The following CSMD1 variants were observed in gnomAD, a reference collection of about 807,000 sequenced individuals.
CSMD1 encodes CUB and Sushi multiple domains 1.
A neutral mutation model predicts 417.5 loss-of-function variants in CSMD1; 213 were observed. The observed-to-expected ratio is 0.51, with a 90% CI of 0.46 to 0.57. The LOEUF is 0.57. CSMD1 is among the 20% of genes least tolerant of loss of function. The probability of loss-of-function intolerance (pLI) is 0.00; values close to 1 mark genes in which losing one functional copy is unlikely to be tolerated. For synonymous variants in CSMD1, 2,862 were observed against 1,736.8 expected (o/e 1.65, Z -16.11); for missense variants, 6,923 against 4,529.7 (o/e 1.53, Z -15.17).
chr8:4,460,895 G>A (rs571860023), intron 2 of CSMD1, among the ~76,000 whole-genome samples: 2 of 152,248 alleles, frequency 1.3e-5, no homozygotes, highest in East Asian at 1.9e-4. Flanking sequence ...AAAAATAGAA[G>A]AGGGATCACA....
chr8:3,018,208 A>G (rs1423289329), intron 52 of CSMD1, among the ~76,000 whole-genome samples: 1 of 152,248 alleles, frequency 6.6e-6, no homozygotes, highest in African/African-American at 2.4e-5. Context: ...TCCTAAAACC[A>G]TGATGGCATT....
intron 1 of CSMD1, among the ~76,000 whole-genome samples, chr8:4,842,446 T>A (rs1051279545): frequency 8.5e-5 from 13 of 152,226 alleles, no homozygotes; most frequent in Admixed American, 3.9e-4. Context: ...TGCTCTAAAC[T>A]GCATTTTGGT....
At chr8:4,367,559 T>C (rs540281633) in intron 3 of CSMD1, among the ~76,000 whole-genome samples, 17 of 152,280 alleles carry the variant, frequency 1.1e-4, no homozygotes, top group Admixed American at 6.5e-4. Context: ...TTGGGCTCCA[T>C]ATAAATTTTA....
In CSMD1 at chr8:2,963,302, T is replaced by C. The variant is rs1803666803; in HGVS notation, c.9374A>G (p.Asp3125Gly). 6.2e-7 allele frequency: 1 copy of C among 1,613,734 alleles called. No homozygotes were observed. The part of the protein sequence containing the change: ...WGSSISYSCM[D>G]GYQLSHSAIL... ...GGCGGAGTGAGAGAGCTGGTAACCG[T>C]CCATGCAGCTGTAACTTATGCTGGA... The change falls in exon 60 of 70, where the codon GAC becomes GGC. Residue 3125 changes from aspartate to glycine, a missense_variant. Coordinates refer to ENST00000635120, the MANE Select transcript of CSMD1 (RefSeq NM_033225.6).
chr8:3,984,437 C>G (rs560731348), intron 5 of CSMD1, among the ~76,000 whole-genome samples: 1 of 151,928 alleles, frequency 6.6e-6, no homozygotes, highest in Non-Finnish European at 1.5e-5. Flanking sequence ...CAAACCTAAA[C>G]AGAGAGGCAC....
chr8:3,775,246 T>C (rs548613443), intron 5 of CSMD1, among the ~76,000 whole-genome samples: 1 of 152,320 alleles, frequency 6.6e-6, no homozygotes, highest in East Asian at 1.9e-4. Context: ...AGAAATGAAT[T>C]GTATGTTAAA....
intron 6 of CSMD1, among the ~76,000 whole-genome samples, chr8:3,710,812 G>A (rs576634762): frequency 6.6e-6 from 1 of 152,122 alleles, no homozygotes; most frequent in African/African-American, 2.4e-5. Flanking sequence ...CAGATGCACA[G>A]GGAAGACTAT....
intron 30 of CSMD1, among the ~76,000 whole-genome samples, chr8:3,213,261 T>C (rs993579608): frequency 3.9e-5 from 6 of 152,364 alleles, no homozygotes; most frequent in South Asian, 2.1e-4. Flanking sequence ...AAAATAACCC[T>C]AGAAATGAAT....
intron 22 of CSMD1, among the ~76,000 whole-genome samples, chr8:3,346,043 G>C (rs989509195): frequency 2.0e-5 from 3 of 152,082 alleles, no homozygotes; most frequent in African/African-American, 7.2e-5. Context: ...ATGTGCGAAG[G>C]ATCAATGTGA....
At chr8:3,848,584 G>T (rs114142930) in intron 5 of CSMD1, among the ~76,000 whole-genome samples, 1 of 152,086 alleles carries the variant, frequency 6.6e-6, no homozygotes, top group Non-Finnish European at 1.5e-5. Flanking sequence ...TTGTAAATAT[G>T]TACTTTGAAC....
chr8:4,647,946 T>A (rs1563367142), intron 1 of CSMD1, among the ~76,000 whole-genome samples: 1 of 152,222 alleles, frequency 6.6e-6, no homozygotes, highest in Non-Finnish European at 1.5e-5. Flanking sequence ...ATGGGATTGC[T>A]GGTCAAATGG....
At chr8:3,491,958 G>A (rs28509349) in intron 11 of CSMD1, among the ~76,000 whole-genome samples, 80,598 of 152,028 alleles carry the variant, frequency 0.53, 21,801 homozygotes, top group Non-Finnish European at 0.58. Flanking sequence ...ACAGCCCAGA[G>A]GTCCCGGCCT....
In CSMD1 at chr8:3,409,525, T is replaced by C. The variant is rs768680532; in HGVS notation, c.1642A>G (p.Thr548Ala). ...GCCGCCGGGCATTCAAAGGTGAGTG[T>C]ATCTCCATGGAGGAAACTGCTGCCC... ...RTGSSFLHGDTLTFECPAAFE... is the reference protein window; with the variant it reads ...RTGSSFLHGDALTFECPAAFE... Residue 548 changes from threonine to alanine, a missense_variant, in exon 13 of 70, where the codon ACA (threonine) becomes GCA (alanine). Physicochemically the swap from Thr to Ala is moderately conservative, Grantham distance 58. Coordinates refer to ENST00000635120, the MANE Select transcript of CSMD1 (RefSeq NM_033225.6). 1.2e-5 allele frequency: 20 copies of C among 1,611,310 alleles called. No individual in the cohort carries two copies. In the South Asian group the frequency reaches 2.0e-4, roughly 16 times the overall value.
At chr8:3,958,271 G>A (rs554655741) in intron 5 of CSMD1, among the ~76,000 whole-genome samples, 61 of 150,338 alleles carry the variant, frequency 4.1e-4, no homozygotes, top group African/African-American at 1.4e-3. Flanking sequence ...ATTACAATGT[G>A]GTTTTTTGTG....
At chr8:4,752,931 G>T (rs1049175838) in intron 1 of CSMD1, among the ~76,000 whole-genome samples, 1 of 152,160 alleles carries the variant, frequency 6.6e-6, no homozygotes, top group East Asian at 1.9e-4. Context: ...CTTCCCAGTG[G>T]CGTGATGATG....
intron 49 of CSMD1, among the ~76,000 whole-genome samples, chr8:3,084,464 C>T (rs949014942): frequency 1.4e-5 from 2 of 141,240 alleles, no homozygotes; most frequent in Admixed American, 7.6e-5. Context: ...CAGAAGTTGC[C>T]GTGAGCCGAG....
intron 5 of CSMD1, among the ~76,000 whole-genome samples, chr8:3,935,152 A>T (rs11774238): frequency 3.3e-5 from 5 of 152,024 alleles, no homozygotes; most frequent in African/African-American, 4.8e-5. Context: ...ATTTTTAAGA[A>T]GCAAGAATAT....
intron 54 of CSMD1, among the ~76,000 whole-genome samples, chr8:2,988,440 C>T (rs1437973763): frequency 2.6e-5 from 4 of 152,162 alleles, no homozygotes; most frequent in Admixed American, 2.0e-4. Flanking sequence ...CATCCTGAAA[C>T]GATGTGAGAC....
chr8:3,626,012 TATAA>T (rs1446533617), intron 7 of CSMD1, among the ~76,000 whole-genome samples: 3 of 152,220 alleles, frequency 2.0e-5, no homozygotes, highest in Non-Finnish European at 4.4e-5. Context: ...AATATTCTAC[TATAA>T]AGTCAGTGTA....
Sources: allele counts gnomAD v4.1 joint callset (sites outside exome capture counted in the v4.1 genomes callset), GRCh38; gene constraint gnomAD v4.1.1; transcripts MANE v1.5; gene names NCBI Gene and HGNC (gene_info 2026-07-23, HGNC 2026-07-21).